THEMIS: variants seen among roughly 807,000 people sequenced by gnomAD.
THEMIS encodes protein THEMIS.
THEMIS carries 37 observed loss-of-function variants against 52.6 expected under a neutral mutation model. The ratio of observed to expected loss-of-function variants is 0.70; its 90% CI spans 0.54 to 0.93. THEMIS has a LOEUF of 0.93. Among genes scored for constraint, THEMIS ranks in the 40% least tolerant of loss-of-function variants. The probability of loss-of-function intolerance (pLI) is 0.00; values close to 1 mark genes in which losing one functional copy is unlikely to be tolerated. For missense variants in THEMIS, 808 were observed against 763.1 expected (o/e 1.06, Z -0.69); for synonymous variants, 292 against 272.7 (o/e 1.07, Z -0.70).
At chr6:127,860,860 T>A (rs2114330679) in intron 1 of THEMIS, among the ~76,000 whole-genome samples, 1 of 152,298 alleles carries the variant, frequency 6.6e-6, no homozygotes, top group East Asian at 1.9e-4. Context: ...ATGGTAAATT[T>A]ATTAATTTAA....
intron 4 of THEMIS, among the ~76,000 whole-genome samples, chr6:127,763,390 C>G (rs1376090056): frequency 6.6e-6 from 1 of 151,852 alleles, no homozygotes; most frequent in African/African-American, 2.4e-5. Context: ...TAACATCATC[C>G]CAAACAAAAG....
chr6:127,732,937 C>T (rs530082554), intron 4 of THEMIS, among the ~76,000 whole-genome samples: 2 of 152,242 alleles, frequency 1.3e-5, no homozygotes, highest in Non-Finnish European at 2.9e-5. Context: ...GAGTAATACA[C>T]TCTCTACACG....
intron 4 of THEMIS, among the ~76,000 whole-genome samples, chr6:127,737,742 A>G (rs1008582901): frequency 6.6e-6 from 1 of 152,228 alleles, no homozygotes; most frequent in African/African-American, 2.4e-5. Flanking sequence ...GGAGTCATAA[A>G]CAACTGAGAA....
At chr6:127,801,691 G>A (rs553185691) in intron 4 of THEMIS, among the ~76,000 whole-genome samples, 2 of 152,074 alleles carry the variant, frequency 1.3e-5, no homozygotes, top group Non-Finnish European at 2.9e-5. Context: ...TAAACCCTGC[G>A]CTGCCTGAGG....
chr6:127,774,873 G>A (rs763010828), intron 4 of THEMIS, among the ~76,000 whole-genome samples: 2 of 152,110 alleles, frequency 1.3e-5, no homozygotes, highest in Non-Finnish European at 2.9e-5. Flanking sequence ...GGTGAGGGTG[G>A]AACTTCCTCT....
chr6:127,747,307 A>G (rs1408158775), intron 4 of THEMIS, among the ~76,000 whole-genome samples: 2 of 126,890 alleles, frequency 1.6e-5, no homozygotes, highest in Non-Finnish European at 3.6e-5. Flanking sequence ...TTAATGGTAT[A>G]TAATTATAAA....
At chr6:127,752,099 C>T (rs796228338) in intron 4 of THEMIS, among the ~76,000 whole-genome samples, 47 of 151,630 alleles carry the variant, frequency 3.1e-4, no homozygotes, top group African/African-American at 1.0e-3. Context: ...GATATCAAAA[C>T]GTGTCTTGGG....
chr6:127,700,159 T>G, the THEMIS span, among the ~76,000 whole-genome samples: 1 of 151,856 alleles, frequency 6.6e-6, no homozygotes, highest in South Asian at 2.1e-4. Context: ...TTAGACAAAG[T>G]TAATTATTTT....
At chr6:127,809,800 G>A (rs1258591536) in intron 4 of THEMIS, among the ~76,000 whole-genome samples, 1 of 150,588 alleles carries the variant, frequency 6.6e-6, no homozygotes, top group Non-Finnish European at 1.5e-5. Context: ...TCTGCACTCT[G>A]CCACAAAGCA....
At chr6:127,864,210 G>A (rs556690378) in intron 1 of THEMIS, among the ~76,000 whole-genome samples, 84 of 152,058 alleles carry the variant, frequency 5.5e-4, no homozygotes, top group African/African-American at 1.9e-3. Context: ...GGGGGGCACA[G>A]TGCATGACAT....
At chr6:127,829,376 G>A in intron 3 of THEMIS, 100 bp downstream of exon 3, 1 of 949,814 alleles carries the variant, frequency 1.1e-6, no homozygotes. Context: ...CTCAATAGTT[G>A]AAATAAAGAC....
intron 1 of THEMIS, among the ~76,000 whole-genome samples, chr6:127,906,956 A>C (rs2114520172): frequency 6.6e-6 from 1 of 151,982 alleles, no homozygotes; most frequent in South Asian, 2.1e-4. Flanking sequence ...TAAAAAACAA[A>C]AAAAAAAATT....
At chr6:127,865,400 C>A (rs976328465) in intron 1 of THEMIS, among the ~76,000 whole-genome samples, 2 of 152,080 alleles carry the variant, frequency 1.3e-5, no homozygotes, top group African/African-American at 2.4e-5. Context: ...AGTTTGAACA[C>A]CCAAAGCCTG....
intron 5 of THEMIS, among the ~76,000 whole-genome samples, chr6:127,715,078 G>A (rs1372275149): frequency 2.0e-5 from 3 of 151,872 alleles, no homozygotes; most frequent in African/African-American, 7.2e-5. Flanking sequence ...GGTTCTCCTT[G>A]CAGCACATTC....
At chr6:127,835,147 G>A (rs929318779) in intron 2 of THEMIS, among the ~76,000 whole-genome samples, 11 of 151,994 alleles carry the variant, frequency 7.2e-5, no homozygotes, top group Admixed American at 2.0e-4. Context: ...CAGACCTTAG[G>A]CACCCCCAAA....
intron 4 of THEMIS, among the ~76,000 whole-genome samples, chr6:127,791,991 T>C (rs1344461685): frequency 6.6e-6 from 1 of 152,188 alleles, no homozygotes; most frequent in Non-Finnish European, 1.5e-5. Context: ...AGTGCAGTGA[T>C]GCCTGAGTCC....
intron 5 of THEMIS, among the ~76,000 whole-genome samples, chr6:127,710,921 A>G (rs1178428273): frequency 6.6e-6 from 1 of 151,266 alleles, no homozygotes; most frequent in East Asian, 2.0e-4. Context: ...AATAGCCTAT[A>G]ACTGCCTGCC....
At chr6:127,710,111 C>A in intron 5 of THEMIS, 95 bp from the exon 6 acceptor site, 5 of 735,658 alleles carry the variant, frequency 6.8e-6, no homozygotes, top group South Asian at 2.2e-5. Context: ...CACTCACATG[C>A]ATATGGTTTT....
At chr6:127,788,187 T>C (rs1777040283) in intron 4 of THEMIS, among the ~76,000 whole-genome samples, 2 of 152,194 alleles carry the variant, frequency 1.3e-5, no homozygotes, top group African/African-American at 4.8e-5. Context: ...TAAACCTCTC[T>C]GAAGCAACCT....
Sources: gnomAD v4.1 joint callset for allele counts (sites outside exome capture counted in the v4.1 genomes callset) on GRCh38, gnomAD v4.1.1 for gene constraint, MANE v1.5 for transcripts, NCBI Gene and HGNC (gene_info 2026-07-23, HGNC 2026-07-21) for gene names.